Variants in DNAJC17 observed in about 807,000 individuals in gnomAD.
DNAJC17 encodes dnaJ homolog subfamily C member 17.
A neutral mutation model predicts 48.1 loss-of-function variants in DNAJC17; 35 were observed. The ratio of observed to expected loss-of-function variants is 0.73; its 90% CI spans 0.56 to 0.96. The LOEUF (loss-of-function observed/expected upper bound fraction) is 0.96. DNAJC17 is among the 50% of genes least tolerant of loss of function. DNAJC17 has a pLI of 0.00. For synonymous variants in DNAJC17, 117 were observed against 142.7 expected (o/e 0.82, Z 1.28); for missense variants, 355 against 377.1 (o/e 0.94, Z 0.48).
At chr15:40,806,757 C>A (rs1349889763) in intron 1 of DNAJC17, among the ~76,000 whole-genome samples, 1 of 152,292 alleles carries the variant, frequency 6.6e-6, no homozygotes, top group South Asian at 2.1e-4. Flanking sequence ...CCTAAGGTAG[C>A]ATGGACCTCT....
intron 1 of DNAJC17, among the ~76,000 whole-genome samples, chr15:40,791,345 T>A (rs1266610408): frequency 1.3e-5 from 2 of 151,964 alleles, no homozygotes; most frequent in Non-Finnish European, 2.9e-5. Context: ...CTGGCCAACA[T>A]GGTGAAACCC....
chr15:40,771,841 G>C (rs1272725975), intron 10 of DNAJC17: 1 of 167,212 alleles, frequency 6.0e-6, no homozygotes, highest in Non-Finnish European at 1.5e-5. Context: ...GAAGAGATAG[G>C]TAGAGATAGA....
At chr15:40,804,278 T>C (rs1890148580) in intron 1 of DNAJC17, among the ~76,000 whole-genome samples, 1 of 151,792 alleles carries the variant, frequency 6.6e-6, no homozygotes, top group East Asian at 1.9e-4. Context: ...TCAAATACTT[T>C]CTTTAAAATC....
intron 1 of DNAJC17, among the ~76,000 whole-genome samples, chr15:40,797,623 G>C (rs1889969843): frequency 6.6e-6 from 1 of 151,376 alleles, no homozygotes; most frequent in Non-Finnish European, 1.5e-5. Flanking sequence ...TGTTGGCCAA[G>C]CTGGTCTTGA....
At chr15:40,779,191 C>A (rs1347876855) in intron 4 of DNAJC17, 32 bp downstream of exon 4, 1 of 1,604,386 alleles carries the variant, frequency 6.2e-7, no homozygotes, top group Non-Finnish European at 8.5e-7. Context: ...CACAGGAAAC[C>A]ACAGGCCACC....
At chr15:40,791,941 T>C (rs1262251985) in intron 1 of DNAJC17, among the ~76,000 whole-genome samples, 1 of 152,168 alleles carries the variant, frequency 6.6e-6, no homozygotes, top group Non-Finnish European at 1.5e-5. Flanking sequence ...AAAAGCCCCC[T>C]TTGGAGACAG....
intron 1 of DNAJC17, among the ~76,000 whole-genome samples, chr15:40,782,956 G>A (rs1207019556): frequency 1.3e-5 from 2 of 152,092 alleles, no homozygotes; most frequent in African/African-American, 4.8e-5. Flanking sequence ...ATCGCCCACC[G>A]AAGCACATCT....
At chr15:40,800,631 G>GC (rs1890053072) in intron 1 of DNAJC17, among the ~76,000 whole-genome samples, 1 of 141,794 alleles carries the variant, frequency 7.1e-6, no homozygotes, top group Admixed American at 7.2e-5. Context: ...GTTGAGCTGT[G>GC]TTTTTTTTTC....
chr15:40,774,207 CA>C (rs1889250317), intron 9 of DNAJC17, 148 bp downstream of exon 9: 2 of 870,612 alleles, frequency 2.3e-6, no homozygotes, highest in Admixed American at 2.3e-5. Flanking sequence ...TTCCAGGAGT[CA>C]GGGGCCCCTG....
At chr15:40,779,498 G>A in intron 3 of DNAJC17, 47 bp downstream of exon 3, 1 of 1,610,640 alleles carries the variant, frequency 6.2e-7, no homozygotes, top group Non-Finnish European at 8.5e-7. Flanking sequence ...AGGCAGCAGT[G>A]GTCTCTAACC....
intron 10 of DNAJC17, chr15:40,771,559 AG>A (rs1889141523): frequency 5.7e-6 from 1 of 175,132 alleles, no homozygotes; most frequent in South Asian, 1.7e-4. Context: ...AAGAAAGGGG[AG>A]AAGGCCTGAC....
chr15:40,797,328 C>T (rs1889962763), intron 1 of DNAJC17, among the ~76,000 whole-genome samples: 1 of 152,092 alleles, frequency 6.6e-6, no homozygotes, highest in African/African-American at 2.4e-5. Flanking sequence ...TGTGATCGCA[C>T]AATTTCACTC....
chr15:40,803,575 G>T (rs1051042995), intron 1 of DNAJC17, among the ~76,000 whole-genome samples: 2 of 152,140 alleles, frequency 1.3e-5, no homozygotes, highest in African/African-American at 4.8e-5. Flanking sequence ...TTCTTGGAAT[G>T]CCCTGCCTCC....
chr15:40,774,986 C>A, intron 8 of DNAJC17, 45 bp downstream of exon 8: 1 of 1,600,198 alleles, frequency 6.2e-7, no homozygotes, highest in Non-Finnish European at 8.6e-7. Context: ...TGGACTGAGA[C>A]GTGGACTGAG....
At chr15:40,789,927 A>AAAAAAAAG (rs1889751262) in intron 1 of DNAJC17, among the ~76,000 whole-genome samples, 1 of 149,426 alleles carries the variant, frequency 6.7e-6, no homozygotes, top group Non-Finnish European at 1.5e-5. Flanking sequence ...AAAAAAAAAA[A>AAAAAAAAG]AAAAGAAAAG....
rs181843654 is a variant in DNAJC17 at position 40,804,784 on chromosome 15, T to C, written c.78+2585A>G. 6.7e-4 allele frequency among the ~76,000 whole-genome samples: 101 copies of C among 150,064 alleles called. 1 individual carries two copies. The highest frequency in any genetic ancestry group is 2.4e-3 in the African/African-American group (97 of 40,878). Reference sequence around the variant, plus strand: ...TGGGAGGCCAAGGCCGGCAGATCACTTGAGGTCAGGAGTTCAAGACCAGCC... The same window carrying C: ...TGGGAGGCCAAGGCCGGCAGATCACCTGAGGTCAGGAGTTCAAGACCAGCC... On this transcript the variant is annotated intron_variant, in intron 1 of 10. Coordinates refer to ENST00000220496, the MANE Select transcript of DNAJC17 (RefSeq NM_018163.3).
chr15:40,801,974 G>A (rs938749669), intron 1 of DNAJC17, among the ~76,000 whole-genome samples: 4 of 151,926 alleles, frequency 2.6e-5, no homozygotes, highest in Non-Finnish European at 4.4e-5. Context: ...GAGACAGAGA[G>A]GGTGAACAGG....
At chr15:40,772,637 G>C (rs1447038696) in intron 10 of DNAJC17, among the ~76,000 whole-genome samples, 1 of 152,234 alleles carries the variant, frequency 6.6e-6, no homozygotes. Context: ...GAGCAGGCTG[G>C]CGTGGGTAAA....
In DNAJC17 at chr15:40,777,333, T is replaced by TAATATAGA. The variant is rs761911854; in HGVS notation, c.296-714_296-707dup. On this transcript the variant is annotated intron_variant, in intron 4 of 10. Transcript: ENST00000220496. ...GGTCTCCTGGCACTTGCTTTTCTTT[T>TAATATAGA]AATATAGAAATAGATATTGGGATGC... 4.8e-3 allele frequency among the ~76,000 whole-genome samples: 725 copies of TAATATAGA among 151,840 alleles called. 2 individuals carry two copies. Among genetic ancestry groups the TAATATAGA allele is most frequent in the Non-Finnish European group, 8.8e-3 (598 of 67,938 alleles).
Sources: gnomAD v4.1 joint callset for allele counts (sites outside exome capture counted in the v4.1 genomes callset) on GRCh38, gnomAD v4.1.1 for gene constraint, MANE v1.5 for transcripts, NCBI Gene and HGNC (gene_info 2026-07-23, HGNC 2026-07-21) for gene names.